NACC1: variants seen among roughly 807,000 people sequenced by gnomAD.
NACC1 encodes nucleus accumbens associated 1, also known as nucleus accumbens-associated protein 1.
NACC1 carries 6 observed loss-of-function variants against 41.7 expected under a neutral mutation model. The ratio of observed to expected loss-of-function variants is 0.14; its 90% CI spans 0.08 to 0.28. The LOEUF (loss-of-function observed/expected upper bound fraction) is 0.28, where lower values mean the gene tolerates loss of function less well. Ranked by LOEUF, NACC1 falls within the 10% of genes least tolerant of loss-of-function variation. NACC1 has a pLI of 1.00. For synonymous variants in NACC1, 338 were observed against 330.6 expected (o/e 1.02, Z -0.24); for missense variants, 434 against 763.7 (o/e 0.57, Z 5.09).
intron 1 of NACC1, among the ~76,000 whole-genome samples, chr19:13,126,432 C>G (rs1366762364): frequency 6.6e-6 from 1 of 152,180 alleles, no homozygotes; most frequent in East Asian, 1.9e-4. Flanking sequence ...CAGACCATAG[C>G]ATCTGTCGAC....
Position 13,118,336 on chromosome 19 carries a change from G to T in NACC1, c.-127G>T, listed in dbSNP as rs2019427699. On this transcript the variant is annotated 5_prime_UTR_variant, in exon 1 of 6. It introduces an in-frame stop codon into an upstream open reading frame of the 5' UTR. Coordinates refer to ENST00000292431, the MANE Select transcript of NACC1 (RefSeq NM_052876.4). ...CGCTGCTGCTGAGGCGGAGGCCGCGGAGGCCGCGGAGGCGGAGGCCGAGGC... is the reference window on the plus strand; with the variant it reads ...CGCTGCTGCTGAGGCGGAGGCCGCGTAGGCCGCGGAGGCGGAGGCCGAGGC... 1 of 146,902 alleles carries T rather than the reference G, an allele frequency of 6.8e-6. No individual in the cohort carries two copies. Among genetic ancestry groups the T allele is most frequent in the Non-Finnish European group, 1.5e-5 (1 of 65,996 alleles). 9.1% of individuals were successfully genotyped at this position (146,902 alleles called of 1,614,324 possible).
chr19:13,136,790 G>A lies in NACC1; in HGVS notation c.1120+385G>A, dbSNP rs1329591749. Among the ~76,000 whole-genome samples the A allele has an allele frequency of 2.0e-5, 3 of 152,138 alleles. No individual in the cohort carries two copies. Among genetic ancestry groups the A allele is most frequent in the African/African-American group, 7.2e-5 (3 of 41,422 alleles). The stretch of plus-strand genomic sequence containing the variant: ...TGGGAGGATCCCTTGAGCCCAGGAG[G>A]TCAAGGCTGCAGTGAGCTGTGGTGG... On this transcript the variant is annotated intron_variant, in intron 3 of 5. Transcript: ENST00000292431. This position sits in a 1 kb window ranked among gnomAD's most constrained non-coding sequence, Gnocchi z 5.5.
At position 13,138,333 on chromosome 19, in the gene NACC1, T is replaced by C; in HGVS notation, c.1511T>C (p.Met504Thr). The C allele has an allele frequency of 1.2e-6, 2 of 1,613,988 alleles. No homozygotes were observed. The highest frequency in any genetic ancestry group is 1.7e-6 in the Non-Finnish European group (2 of 1,180,022). ...ACGGGCAAGATCGAGCCGGACATGA[T>C]GGGTGTGGAGCATGGCTTCGAGACC... is the stretch of plus-strand genomic sequence containing the variant. ...SETGKIEPDMMGVEHGFETAS... is the reference protein window; with the variant it reads ...SETGKIEPDMTGVEHGFETAS... The change falls in exon 6 of 6, where the codon ATG becomes ACG. Residue 504 changes from methionine (M) to threonine (T), a missense_variant. Transcript: ENST00000292431. This position sits in a 1 kb window ranked among gnomAD's most constrained non-coding sequence, Gnocchi z 5.7.
intron 1 of NACC1, among the ~76,000 whole-genome samples, chr19:13,119,211 A>G (rs1487053685): frequency 6.6e-6 from 1 of 152,052 alleles, no homozygotes; most frequent in Non-Finnish European, 1.5e-5. Flanking sequence ...TGGTGTGACC[A>G]GAAGGTATAT....
chr19:13,126,992 T>G (rs1162466006), intron 1 of NACC1, among the ~76,000 whole-genome samples: 1 of 152,022 alleles, frequency 6.6e-6, no homozygotes, highest in Admixed American at 6.5e-5. Flanking sequence ...CCGAGCACTT[T>G]GGGAGGCCAA....
At chr19:13,134,947 C>T (rs907904814) in intron 1 of NACC1, among the ~76,000 whole-genome samples, 1 of 152,252 alleles carries the variant, frequency 6.6e-6, no homozygotes, top group Non-Finnish European at 1.5e-5. Flanking sequence ...CTCCTCTTTG[C>T]AAGGGATAGC....
chr19:13,139,092 A>AG lies in NACC1; in HGVS notation c.*693dup, dbSNP rs1299370532. 3.3e-5 allele frequency: 5 copies of AG among 150,246 alleles called. No homozygotes were observed. The highest frequency in any genetic ancestry group is 3.1e-3 in the Middle Eastern group (1 of 320). 9.3% of individuals were successfully genotyped at this position (150,246 alleles called of 1,614,324 possible). Reference sequence around the variant, plus strand: ...GCCTCAGAGAGGCAGGTCCTAAAGGAGGGGGGGTCTCCTGGGGGCAGACCG... The same window carrying AG: ...GCCTCAGAGAGGCAGGTCCTAAAGGAGGGGGGGGTCTCCTGGGGGCAGACCG... On this transcript the variant is annotated 3_prime_UTR_variant, in exon 6 of 6. Transcript: ENST00000292431.
At position 13,137,866 on chromosome 19, in the gene NACC1, C is replaced by T. The variant is rs988823419; in HGVS notation, c.1325-281C>T. On this transcript the variant is annotated intron_variant, in intron 5 of 5. Coordinates refer to ENST00000292431, the MANE Select transcript of NACC1 (RefSeq NM_052876.4). This position sits in a 1 kb window ranked among gnomAD's most constrained non-coding sequence, Gnocchi z 6.1. ...AGTGCTAGCCACTCGTCATGGGGGG[C>T]ATCTAGATTTTCAAGTGACCACTCC... Among the ~76,000 whole-genome samples the T allele has an allele frequency of 1.3e-5, 2 of 152,122 alleles. No homozygotes were observed. The highest frequency in any genetic ancestry group is 4.8e-5 in the African/African-American group (2 of 41,408).
At position 13,138,411 on chromosome 19, in the gene NACC1, C is replaced by T. The variant is rs776385727; in HGVS notation, c.*5C>T. On this transcript the variant is annotated 3_prime_UTR_variant, in exon 6 of 6. Coordinates refer to ENST00000292431, the MANE Select transcript of NACC1 (RefSeq NM_052876.4). The surrounding 1 kb of genome is among the most constrained non-coding windows in gnomAD (Gnocchi z 5.7). The stretch of plus-strand genomic sequence containing the variant: ...TCGGCTGAAGCCCTGCAGTAACCCG[C>T]CCAGCCTCCCGCGGGGCCACACACT... 3.7e-6 allele frequency: 6 copies of T among 1,608,252 alleles called. No homozygotes were observed. The highest frequency in any genetic ancestry group is 1.3e-5 in the African/African-American group (1 of 74,896).
In NACC1 at chr19:13,136,302, C is replaced by T. The variant is rs1260354126; in HGVS notation, c.1017C>T (p.Asp339=). The change falls in exon 3 of 6, where the codon GAC becomes GAT. Residue 339 remains aspartate, a synonymous_variant. Coordinates refer to ENST00000292431, the MANE Select transcript of NACC1 (RefSeq NM_052876.4). This position sits in a 1 kb window ranked among gnomAD's most constrained non-coding sequence, Gnocchi z 5.5. ...ESRNRIRVRQ[D]LASLPAELIN... The stretch of plus-strand genomic sequence containing the variant: ...GAAATCGCATCCGGGTTCGGCAAGA[C>T]CTGGCGTCTCTCCCGGCTGAACTTA... 8 of 1,614,130 alleles carry T rather than the reference C, an allele frequency of 5.0e-6. No homozygotes were observed. Among genetic ancestry groups the T allele is most frequent in the Non-Finnish European group, 5.9e-6 (7 of 1,180,024 alleles).
chr19:13,127,087 CAAAT>C (rs1005859770), intron 1 of NACC1, among the ~76,000 whole-genome samples: 5 of 151,660 alleles, frequency 3.3e-5, no homozygotes, highest in Middle Eastern at 6.8e-3. Flanking sequence ...AAAAAATGCA[CAAAT>C]AAATAATTTT....
chr19:13,126,190 C>T (rs1264115013), intron 1 of NACC1, among the ~76,000 whole-genome samples: 2 of 151,822 alleles, frequency 1.3e-5, no homozygotes, highest in South Asian at 2.1e-4. Context: ...ATTACAGGCA[C>T]GTACCACTGT....
intron 1 of NACC1, among the ~76,000 whole-genome samples, chr19:13,133,335 G>A (rs1173851725): frequency 6.6e-6 from 1 of 151,036 alleles, no homozygotes; most frequent in Non-Finnish European, 1.5e-5. Context: ...CAGCCTGGGC[G>A]ACAGAGTGAG....
chr19:13,136,023 C>T lies in NACC1; in HGVS notation c.816C>T (p.Ser272=), dbSNP rs878950003. 10 of 1,613,706 alleles carry T rather than the reference C, an allele frequency of 6.2e-6. No homozygotes were observed. Among genetic ancestry groups the T allele is most frequent in the African/African-American group, 2.7e-5 (2 of 74,940 alleles). Residue 272 remains serine, a synonymous_variant, in exon 2 of 6, where the codon AGC becomes AGT. Coordinates refer to ENST00000292431, the MANE Select transcript of NACC1 (RefSeq NM_052876.4). This position sits in a 1 kb window ranked among gnomAD's most constrained non-coding sequence, Gnocchi z 5.5. ...TSPGTSSAYT[S]DSPGSYHNEE... ...CAGGCACCTCAAGCGCCTACACCAG[C>T]GACAGCCCTGGCTCCTACCACAATG...
chr19:13,138,545 G>T lies in NACC1; in HGVS notation c.*139G>T. ...ATGTTCCCGGCCCTCTGCCCCTCCT[G>T]TCCTACCCCCTTTCCCCACCGAGAG... On this transcript the variant is annotated 3_prime_UTR_variant, in exon 6 of 6. Transcript: ENST00000292431. This position sits in a 1 kb window ranked among gnomAD's most constrained non-coding sequence, Gnocchi z 5.7. The T allele has an allele frequency of 7.7e-7, 1 of 1,294,410 alleles. No homozygotes were observed. Among genetic ancestry groups the T allele is most frequent in the Non-Finnish European group, 1.0e-6 (1 of 954,918 alleles). The allele number at this position is 1,294,410 out of a possible 1,614,324, so 80.2% of individuals were successfully genotyped here. A position where few individuals can be genotyped will look rare whatever the true frequency, so the allele number is the denominator to read the frequency against.
Position 13,118,447 on chromosome 19 carries a change from C to A in NACC1, c.-16C>A, listed in dbSNP as rs2019432136. The A allele has an allele frequency of 6.7e-6, 1 of 150,042 alleles. No homozygotes were observed. Among genetic ancestry groups the A allele is most frequent in the Non-Finnish European group, 1.5e-5 (1 of 67,486 alleles). The allele number at this position is 150,042 out of a possible 1,614,324, so 9.3% of individuals were successfully genotyped here. A position where few individuals can be genotyped will look rare whatever the true frequency, so the allele number is the denominator to read the frequency against. ...GCCGGGACCCCCCGGAGCGCGGCCA[C>A]GGCGCAGGTGAGGCGGCCCGCCTCA... On this transcript the variant is annotated 5_prime_UTR_variant, in exon 1 of 6. Transcript: ENST00000292431.
At position 13,140,425 on chromosome 19, in the gene NACC1, T is replaced by TG. The variant is rs551983995; in HGVS notation, c.*2026dup. The TG allele has an allele frequency of 2.6e-4, 39 of 151,954 alleles. 2 individuals carry two copies. In the South Asian group the frequency reaches 7.3e-3, roughly 28 times the overall value. 9.4% of individuals were successfully genotyped at this position (151,954 alleles called of 1,614,324 possible). A position where few individuals can be genotyped will look rare whatever the true frequency, so the allele number is the denominator to read the frequency against. ...CCCCACTTCCAGGCCTTAGTTGGGGTGGGGGGGCCAGCTCCTGGGCCTGGG... is the reference window on the plus strand; with the variant it reads ...CCCCACTTCCAGGCCTTAGTTGGGGTGGGGGGGGCCAGCTCCTGGGCCTGGG... On this transcript the variant is annotated 3_prime_UTR_variant, in exon 6 of 6. Transcript: ENST00000292431. The surrounding 1 kb of genome is among the most constrained non-coding windows in gnomAD (Gnocchi z 4.0).
intron 1 of NACC1, among the ~76,000 whole-genome samples, chr19:13,124,404 AAAG>A (rs1365866227): frequency 6.6e-6 from 1 of 152,092 alleles, no homozygotes; most frequent in Non-Finnish European, 1.5e-5. Flanking sequence ...TCTCAACAAA[AAAG>A]AAAAAAAAAT....
In NACC1 at chr19:13,135,450, C is replaced by A. The variant is rs571880692; in HGVS notation, c.243C>A (p.Ile81=). 6.8e-6 allele frequency: 11 copies of A among 1,613,124 alleles called. No individual in the cohort carries two copies. The African/African-American group carries it at 1.5e-4, about 21-fold the overall frequency. ...TGCAGCCCCAGTCTTTCCAGCAGAT[C>A]CTCAGCTTCTGCTACACGGGCCGGC... ...AAVQPQSFQQ[I]LSFCYTGRLS... The change falls in exon 2 of 6, where the codon ATC becomes ATA. Residue 81 remains isoleucine, a synonymous_variant. Transcript: ENST00000292431.
Sources: gnomAD v4.1 joint callset for allele counts (sites outside exome capture counted in the v4.1 genomes callset) on GRCh38, gnomAD v4.1.1 for gene constraint, Gnocchi (gnomAD v3.1) non-coding constraint, MANE v1.5 for transcripts, NCBI Gene and HGNC (gene_info 2026-07-23, HGNC 2026-07-21) for gene names.